Variants in GCFC2 observed in about 807,000 individuals in gnomAD.
GCFC2 encodes GC-rich sequence DNA-binding factor 2, also known as intron Large complex component GCFC2.
A neutral mutation model predicts 99.4 loss-of-function variants in GCFC2; 102 were observed. The observed-to-expected ratio is 1.03, with a 90% CI of 0.87 to 1.21. The LOEUF is 1.21. Among genes scored for constraint, GCFC2 ranks in the 50% most tolerant of loss-of-function variants. The probability of loss-of-function intolerance (pLI) is 0.00; values close to 1 mark genes in which losing one functional copy is unlikely to be tolerated. For synonymous variants in GCFC2, 338 were observed against 316.8 expected (o/e 1.07, Z -0.71); for missense variants, 973 against 920.9 (o/e 1.06, Z -0.73).
rs566489642 is a variant in GCFC2 at position 75,673,056 on chromosome 2, A to G, written c.1889+388T>C. Among the ~76,000 whole-genome samples the G allele has an allele frequency of 1.4e-4, 22 of 152,160 alleles. 1 individual carries two copies. Among genetic ancestry groups the G allele is most frequent in the Admixed American group, 7.2e-4 (11 of 15,290 alleles). ...CCGGGCGCGGTGGCTCACGCCTGTA[A>G]TCCCAGCACTTTGGGAGGCCAAGGC... On this transcript the variant is annotated intron_variant, in intron 13 of 16. Transcript: ENST00000321027.
At chr2:75,712,879 A>G (rs1681246672), upstream of GCFC2, among the ~76,000 whole-genome samples, 5 of 152,222 alleles carry the variant, frequency 3.3e-5, no homozygotes, top group Admixed American at 1.3e-4. Flanking sequence ...TCCGGACACA[A>G]TATTGGCACC....
chr2:75,686,492 C>T (rs929232240), intron 11 of GCFC2, among the ~76,000 whole-genome samples: 3 of 152,094 alleles, frequency 2.0e-5, no homozygotes, highest in African/African-American at 7.2e-5. Flanking sequence ...CCTATAATCC[C>T]AGTGCTTTGG....
intron 5 of GCFC2, among the ~76,000 whole-genome samples, chr2:75,694,774 A>C (rs1156790705): frequency 2.0e-5 from 3 of 152,146 alleles, no homozygotes; most frequent in African/African-American, 7.2e-5. Flanking sequence ...TGAACTTGTA[A>C]GTAAATATCA....
Position 75,664,727 on chromosome 2 carries a change from G to T in GCFC2, c.2285C>A (p.Ala762Glu). 1.9e-6 allele frequency: 3 copies of T among 1,575,658 alleles called. No individual in the cohort carries two copies. The highest frequency in any genetic ancestry group is 1.7e-6 in the Non-Finnish European group (2 of 1,146,456). ...ILVKIKALNQ[A>E]ESFIGEHHLD... ...GTGATGCTCTCCTATGAAGGATTCT[G>T]CTTGATTCAAAGCTTTTATTTTCAC... The change falls in exon 17 of 17, where the codon GCA becomes GAA. Residue 762 changes from alanine to glutamate, a missense_variant. Physicochemically the swap from Ala to Glu is moderately radical, Grantham distance 107. Transcript: ENST00000321027.
rs564944128 is a variant in GCFC2 at position 75,706,538 on chromosome 2, C to A, written c.379G>T (p.Glu127Ter). The A allele has an allele frequency of 1.3e-6, 2 of 1,592,936 alleles. No homozygotes were observed. Among genetic ancestry groups the A allele is most frequent in the African/African-American group, 1.3e-5 (1 of 74,320 alleles). The change falls in exon 2 of 17, where the codon GAA (glutamate) becomes TAA (stop). Residue 127 changes from glutamate (E) to a stop codon, truncating the protein, a stop_gained. Coordinates refer to ENST00000321027, the MANE Select transcript of GCFC2 (RefSeq NM_003203.5). LOFTEE classifies it high-confidence loss of function. The stretch of plus-strand genomic sequence containing the variant: ...AATTACTAACCTGTTGATGAAAGTT[C>A]TTTTTCTCCAAGAGAGCTAGAACTG... ...SDSSSSLGEK[E>*]LSSTVKIPDA...
At chr2:75,705,442 T>C (rs573859100) in intron 2 of GCFC2, among the ~76,000 whole-genome samples, 2 of 151,628 alleles carry the variant, frequency 1.3e-5, no homozygotes, top group Non-Finnish European at 2.9e-5. Context: ...GCTAACACGG[T>C]GAAACCCCAT....
rs553539538 is a variant in GCFC2, at chr2:75,708,774, G to A, written c.265+1817C>T. ...TACACCTGCCTCGGCCTCCTAAAGTGCTGGGATTACAGGTGTGAGCCACTG... is the reference window on the plus strand; with the variant it reads ...TACACCTGCCTCGGCCTCCTAAAGTACTGGGATTACAGGTGTGAGCCACTG... On this transcript the variant is annotated intron_variant, in intron 1 of 16. Transcript: ENST00000321027. Among the ~76,000 whole-genome samples, 33 of 152,114 alleles carry A rather than the reference G, an allele frequency of 2.2e-4. No individual in the cohort carries two copies. In the South Asian group the frequency reaches 6.8e-3, roughly 32 times the overall value.
rs1232417056 is a variant in GCFC2, at chr2:75,701,579, T to C, written c.620-292A>G. Among the ~76,000 whole-genome samples, 4 of 152,222 alleles carry C rather than the reference T, an allele frequency of 2.6e-5. No homozygotes were observed. The East Asian group carries it at 5.8e-4, about 22-fold the overall frequency. The stretch of plus-strand genomic sequence containing the variant: ...CACTAAACTGTCCCACTCAAAACAC[T>C]ATAGCCCTATATTGTAAAAAACTGA... On this transcript the variant is annotated intron_variant, in intron 3 of 16. Coordinates refer to ENST00000321027, the MANE Select transcript of GCFC2 (RefSeq NM_003203.5).
chr2:75,683,384 A>T lies in GCFC2; in HGVS notation c.1691-3070T>A, dbSNP rs112901859. 2.5e-3 allele frequency among the ~76,000 whole-genome samples: 377 copies of T among 151,942 alleles called. 7 individuals carry two copies. Among genetic ancestry groups the T allele is most frequent in the Middle Eastern group, 0.01 (3 of 294 alleles). ...AGGAAAAATAAAATCCTTTACAGAC[A>T]AGCAAATGCTGAGAGATTTTGTCAC... On this transcript the variant is annotated intron_variant, in intron 11 of 16. Coordinates refer to ENST00000321027, the MANE Select transcript of GCFC2 (RefSeq NM_003203.5).
rs779532506 is a variant in GCFC2, at chr2:75,710,868, A to AGCGCCCG, written c.-20_-14dup. The AGCGCCCG allele has an allele frequency of 1.5e-5, 23 of 1,538,568 alleles. No homozygotes were observed. In the South Asian group the frequency reaches 2.2e-4, roughly 15 times the overall value. On this transcript the variant is annotated 5_prime_UTR_variant, in exon 1 of 17. Coordinates refer to ENST00000321027, the MANE Select transcript of GCFC2 (RefSeq NM_003203.5). The stretch of plus-strand genomic sequence containing the variant: ...GCCTGTGAGCCATGGCCGAGGCCCG[A>AGCGCCCG]GCGCCCGGCGCCCTAGAACCCGCTG...
chr2:75,698,881 ATGTAC>A (rs1280802411), intron 4 of GCFC2, among the ~76,000 whole-genome samples: 1 of 151,982 alleles, frequency 6.6e-6, no homozygotes. Context: ...GCATGGTGGT[ATGTAC>A]GTGTAGTCCC....
At chr2:75,693,112 G>C (rs1258544992) in intron 6 of GCFC2, among the ~76,000 whole-genome samples, 2 of 152,050 alleles carry the variant, frequency 1.3e-5, no homozygotes, top group African/African-American at 4.8e-5. Flanking sequence ...ACAACAATTG[G>C]GACAAAGCAT....
chr2:75,682,216 T>A (rs1679612490), intron 11 of GCFC2, among the ~76,000 whole-genome samples: 1 of 151,806 alleles, frequency 6.6e-6, no homozygotes, highest in African/African-American at 2.4e-5. Flanking sequence ...ATCTGGCGGA[T>A]GACCCTCTGA....
intron 6 of GCFC2, among the ~76,000 whole-genome samples, chr2:75,692,483 C>T (rs1306326521): frequency 1.3e-5 from 2 of 151,876 alleles, no homozygotes; most frequent in Non-Finnish European, 2.9e-5. Context: ...CCCTTCTCTA[C>T]TAACAGTACA....
chr2:75,711,767 C>T (rs951116326), upstream of GCFC2, among the ~76,000 whole-genome samples: 3 of 152,242 alleles, frequency 2.0e-5, no homozygotes, highest in East Asian at 1.9e-4. Context: ...GCCGGCCCAC[C>T]GGCGCTGTGC....
chr2:75,677,562 C>T (rs1679400100), intron 12 of GCFC2, among the ~76,000 whole-genome samples: 1 of 152,212 alleles, frequency 6.6e-6, no homozygotes, highest in African/African-American at 2.4e-5. Context: ...CAAACCCTCA[C>T]AACAAAAAAT....
At chr2:75,684,374 TGAC>T (rs1230321067) in intron 11 of GCFC2, among the ~76,000 whole-genome samples, 1 of 152,216 alleles carries the variant, frequency 6.6e-6, no homozygotes, top group Non-Finnish European at 1.5e-5. Context: ...TGCTCCTGAA[TGAC>T]TACTGGGTAA....
chr2:75,703,483 T>C (rs539814593), intron 2 of GCFC2, among the ~76,000 whole-genome samples: 46 of 152,324 alleles, frequency 3.0e-4, no homozygotes, highest in South Asian at 2.7e-3. Flanking sequence ...TTAAAAGTCC[T>C]TGAGTGAATC....
At chr2:75,710,993 G>T (rs571582704), upstream of GCFC2, 13 of 1,357,976 alleles carry the variant, frequency 9.6e-6, no homozygotes, top group African/African-American at 1.7e-4. Context: ...TCTGCTCACC[G>T]CTACTCTGTC....
Sources: gnomAD v4.1 joint callset for allele counts (sites outside exome capture counted in the v4.1 genomes callset) on GRCh38, gnomAD v4.1.1 for gene constraint, MANE v1.5 for transcripts, NCBI Gene and HGNC (gene_info 2026-07-23, HGNC 2026-07-21) for gene names.